FEZ2: variants seen among roughly 807,000 people sequenced by gnomAD.
FEZ2 encodes the protein fasciculation and elongation protein zeta-2.
Under a neutral mutation model 40.4 loss-of-function variants are expected in FEZ2, and 51 were observed. The ratio of observed to expected loss-of-function variants is 1.26; its 90% CI spans 1.01 to 1.59. FEZ2 has a LOEUF of 1.59. Ranked by LOEUF, FEZ2 falls within the 40% of genes most tolerant of loss-of-function variation. The pLI is 0.00. For missense variants in FEZ2, 640 were observed against 438.3 expected, an observed-to-expected ratio of 1.46 and a Z score of -4.11; for synonymous variants, 242 against 172.0, an observed-to-expected ratio of 1.41 and a Z score of -3.18.
chr2:36,556,071 A>T (rs145624043), intron 6 of FEZ2: 3 of 513,118 alleles, frequency 5.8e-6, no homozygotes, highest in Admixed American at 4.6e-5. Flanking sequence ...CTGTAATAAT[A>T]CCGGAAAGTG....
rs778244358 is a variant in FEZ2, at chr2:36,552,541, G to A, written c.*622C>T. On this transcript the variant is annotated 3_prime_UTR_variant, in exon 8 of 8. Coordinates refer to ENST00000405912, the MANE Select transcript of FEZ2 (RefSeq NM_005102.3). ...TAAATACAAGATTCTAAAAGTGAAT[G>A]GCAATTTAATGGTTAAAATTTGACC... The A allele has an allele frequency of 5.5e-5, 13 of 236,640 alleles. No individual in the cohort carries two copies. Among genetic ancestry groups the A allele is most frequent in the Admixed American group, 2.6e-4 (5 of 19,110 alleles). The allele number at this position is 236,640 out of a possible 1,614,324, so 14.7% of individuals were successfully genotyped here.
At chr2:36,592,674 G>C (rs951851200) in intron 1 of FEZ2, among the ~76,000 whole-genome samples, 113 of 149,930 alleles carry the variant, frequency 7.5e-4, no homozygotes, top group African/African-American at 2.7e-3. Flanking sequence ...AAATTGGCCA[G>C]GCCTGTGGCA....
chr2:36,594,573 G>A (rs1000437313), intron 1 of FEZ2: 1 of 154,568 alleles, frequency 6.5e-6, no homozygotes, highest in Admixed American at 6.5e-5. Context: ...GAATAGCATA[G>A]GAAAGACCAG....
At position 36,590,942 on chromosome 2, in the gene FEZ2, C is replaced by G; in HGVS notation, c.336G>C (p.Arg112Ser). Residue 112 changes from arginine (R) to serine (S), a missense_variant, in exon 2 of 8, where the codon AGG (arginine) becomes AGC (serine). Physicochemically the swap from Arg to Ser is moderately radical, Grantham distance 110. Transcript: ENST00000405912. ...GGTTCAGAGTAAGCAAGTGCAAGGT[C>G]CTAGTATGCGATGACTTCCAGTCTA... Reference protein sequence around the residue: ...MPVDWKSSHTRTLHLLTLNLS... With the variant: ...MPVDWKSSHTSTLHLLTLNLS... 1 of 1,612,636 alleles carries G rather than the reference C, an allele frequency of 6.2e-7. No individual in the cohort carries two copies. Among genetic ancestry groups the G allele is most frequent in the Admixed American group, 1.7e-5 (1 of 60,026 alleles).
intron 5 of FEZ2, among the ~76,000 whole-genome samples, chr2:36,578,032 T>C (rs973051939): frequency 3.9e-5 from 6 of 152,228 alleles, no homozygotes; most frequent in African/African-American, 1.4e-4. Context: ...CTAAACTTGT[T>C]TTCACCAGTC....
intron 5 of FEZ2, among the ~76,000 whole-genome samples, chr2:36,560,309 T>G (rs186887056): frequency 6.6e-6 from 1 of 152,320 alleles, no homozygotes; most frequent in East Asian, 1.9e-4. Flanking sequence ...TAAAAACACA[T>G]GAATTTCATT....
intron 5 of FEZ2, among the ~76,000 whole-genome samples, chr2:36,572,811 C>T (rs1668455341): frequency 2.0e-5 from 3 of 152,116 alleles, no homozygotes; most frequent in African/African-American, 7.2e-5. Flanking sequence ...CAAACAAAGG[C>T]TATCAATCAT....
chr2:36,584,334 T>C (rs536102490), intron 2 of FEZ2, among the ~76,000 whole-genome samples: 24 of 152,340 alleles, frequency 1.6e-4, no homozygotes, highest in South Asian at 1.4e-3. Flanking sequence ...TGCCCAGGAC[T>C]GCTAAAGTAC....
intron 6 of FEZ2, 194 bp from the exon 7 acceptor site, chr2:36,555,942 C>T (rs772962452): frequency 7.4e-6 from 5 of 677,880 alleles, no homozygotes; most frequent in Non-Finnish European, 1.4e-5. Flanking sequence ...AGTAAGTCCA[C>T]AAGAATTTAT....
chr2:36,595,874 G>A (rs1409093354), intron 1 of FEZ2, among the ~76,000 whole-genome samples: 2 of 152,116 alleles, frequency 1.3e-5, no homozygotes, highest in Non-Finnish European at 2.9e-5. Context: ...ATATTTTTAA[G>A]CAAAGGCTAA....
At chr2:36,591,089 G>T in intron 1 of FEZ2, 78 bp from the exon 2 acceptor site, 1 of 869,800 alleles carries the variant, frequency 1.1e-6, no homozygotes, top group Non-Finnish European at 1.9e-6. Context: ...AGTGAAAGAT[G>T]AACAGCAAAT....
intron 1 of FEZ2, among the ~76,000 whole-genome samples, chr2:36,596,684 T>C (rs915715401): frequency 1.3e-4 from 20 of 152,080 alleles, no homozygotes; most frequent in African/African-American, 4.6e-4. Context: ...CCCAGTCTGG[T>C]CTCGAACTGC....
At chr2:36,559,116 T>C (rs1393995926) in intron 5 of FEZ2, 1 of 152,194 alleles carries the variant, frequency 6.6e-6, no homozygotes, top group African/African-American at 2.4e-5. Flanking sequence ...GTAAACGTTT[T>C]TAGGCATTAA....
At chr2:36,566,342 A>AC (rs2125225125) in intron 5 of FEZ2, among the ~76,000 whole-genome samples, 1 of 151,802 alleles carries the variant, frequency 6.6e-6, no homozygotes, top group Admixed American at 6.6e-5. Context: ...TCCGTCTCAA[A>AC]AAAAAAAAAA....
intron 4 of FEZ2, 140 bp downstream of exon 4, chr2:36,581,147 TCAA>T (rs60717240): frequency 5.8e-5 from 48 of 829,516 alleles, no homozygotes; most frequent in South Asian, 9.1e-5. Context: ...AAATCCCGTC[TCAA>T]CAACAACAAC....
chr2:36,597,953 G>T lies in FEZ2; in HGVS notation c.190C>A (p.Pro64Thr), dbSNP rs372835725. 1.4e-6 allele frequency: 2 copies of T among 1,464,786 alleles called. No individual in the cohort carries two copies. Among genetic ancestry groups the T allele is most frequent in the South Asian group, 2.6e-5 (2 of 76,628 alleles). The allele number at this position is 1,464,786 out of a possible 1,614,324, so 90.7% of individuals were successfully genotyped here. A position where few individuals can be genotyped will look rare whatever the true frequency, so the allele number is the denominator to read the frequency against. ...LEEKLSLCFR[P>T]SDPGAEPPRT... ...GGGGGCTCGGCGCCCGGATCCGAGG[G>T]GCGGAAGCACAGGCTCAGCTTCTCC... The change falls in exon 1 of 8, where the codon CCC (proline) becomes ACC (threonine). Residue 64 changes from proline (P) to threonine (T), a missense_variant. Transcript: ENST00000405912.
chr2:36,572,017 G>GAAAAAAAA (rs34787798), intron 5 of FEZ2, among the ~76,000 whole-genome samples: 12 of 110,104 alleles, frequency 1.1e-4, no homozygotes, highest in African/African-American at 2.5e-4. Context: ...TCCGTCTCAG[G>GAAAAAAAA]AAAAAAAAAA....
chr2:36,576,275 A>AT (rs34261823), intron 5 of FEZ2, among the ~76,000 whole-genome samples: 28,052 of 149,026 alleles, frequency 0.19, 2,846 homozygotes, highest in Admixed American at 0.32. Context: ...TAGGCTTTTT[A>AT]TTTTTTTTTT....
intron 2 of FEZ2, among the ~76,000 whole-genome samples, chr2:36,584,857 C>A (rs1039723604): frequency 6.6e-6 from 1 of 152,104 alleles, no homozygotes; most frequent in South Asian, 2.1e-4. Context: ...TGAGAAGGGC[C>A]AAGGGAAGAA....
Sources: allele counts gnomAD v4.1 joint callset (sites outside exome capture counted in the v4.1 genomes callset), GRCh38; gene constraint gnomAD v4.1.1; transcripts MANE v1.5; gene names NCBI Gene and HGNC (gene_info 2026-07-23, HGNC 2026-07-21).